The following TRPV1 variants were observed in gnomAD, a reference collection of about 807,000 sequenced individuals.
The protein encoded by TRPV1 is OTRPC1.
Under a neutral mutation model 82.3 loss-of-function variants are expected in TRPV1, and 82 were observed. The observed-to-expected ratio is 1.00, with a 90% CI of 0.83 to 1.20. TRPV1 has a LOEUF of 1.20. TRPV1 is among the 50% of genes most tolerant of loss of function. The pLI, the probability that TRPV1 is intolerant of heterozygous loss-of-function variation, is 0.00. For missense variants in TRPV1, 1,067 were observed against 1,096.8 expected (o/e 0.97, Z 0.38); for synonymous variants, 515 against 467.7 (o/e 1.10, Z -1.30).
Position 3,592,358 on chromosome 17 carries a change from G to C in TRPV1, c.-8C>G. ...GCTGCTCCATTTCTTCATCCTTGCT[G>C]GATCCTCTGTGGCCCAGTGTGCAAC... is the stretch of plus-strand genomic sequence containing the variant. On this transcript the variant is annotated 5_prime_UTR_variant, in exon 3 of 17. Transcript: ENST00000572705. 6.3e-7 allele frequency: 1 copy of C among 1,583,514 alleles called. No homozygotes were observed. The highest frequency in any genetic ancestry group is 8.6e-7 in the Non-Finnish European group (1 of 1,164,844).
rs2074893417 is a variant in TRPV1 at position 3,573,856 on chromosome 17, G to A, written c.1880C>T (p.Ser627Phe). The change falls in exon 14 of 17, where the codon TCC (serine) becomes TTC (phenylalanine). Residue 627 changes from serine (S) to phenylalanine (F), a missense_variant. Physicochemically the swap from Ser to Phe is radical, Grantham distance 155. Coordinates refer to ENST00000572705, the MANE Select transcript of TRPV1 (RefSeq NM_080704.4). ...GCAGGTGGAGTACAGGCTGTTGTAG[G>A]AGCTATCGGGGGGCCTGCAGGCAGG... The part of the protein sequence containing the change: ...RGPACRPPDS[S>F]YNSLYSTCLE... 2 of 1,613,458 alleles carry A rather than the reference G, an allele frequency of 1.2e-6. No individual in the cohort carries two copies. Among genetic ancestry groups the A allele is most frequent in the South Asian group, 2.2e-5 (2 of 91,054 alleles).
In TRPV1 at chr17:3,571,570, A is replaced by C. The variant is rs1422119993; in HGVS notation, c.2301T>G (p.Cys767Trp). 1.9e-6 allele frequency: 3 copies of C among 1,612,342 alleles called. No individual in the cohort carries two copies. The highest frequency in any genetic ancestry group is 3.3e-5 in the Admixed American group (2 of 59,826). ...VGIINEDPGN[C>W]EGVKRTLSFS... Reference sequence around the variant, plus strand: ...AGCTCAGGGTGCGCTTGACGCCCTCACAGTTGCCCGGGTCTTCGTTGATGA... The same window carrying C: ...AGCTCAGGGTGCGCTTGACGCCCTCCCAGTTGCCCGGGTCTTCGTTGATGA... Residue 767 changes from cysteine (C) to tryptophan (W), a missense_variant, in exon 16 of 17, where the codon TGT becomes TGG. Coordinates refer to ENST00000572705, the MANE Select transcript of TRPV1 (RefSeq NM_080704.4).
rs756092486 is a variant in TRPV1, at chr17:3,577,640, G to A, written c.1671C>T (p.Arg557=). 3.0e-5 allele frequency: 47 copies of A among 1,584,658 alleles called. No homozygotes were observed. In the Admixed American group the frequency reaches 4.5e-4, roughly 15 times the overall value. The change falls in exon 12 of 17, where the codon CGC becomes CGT. Residue 557 remains arginine, a synonymous_variant. Coordinates refer to ENST00000572705, the MANE Select transcript of TRPV1 (RefSeq NM_080704.4). The part of the protein sequence containing the change: ...LGWTNMLYYT[R]GFQQMGIYAV... ...CATAGATGCCCATCTGCTGGAAACCGCGGGTGTAGTAGAGCATGTTGGTCC... is the reference window on the plus strand; with the variant it reads ...CATAGATGCCCATCTGCTGGAAACCACGGGTGTAGTAGAGCATGTTGGTCC...
chr17:3,573,529 A>ACCCCCCCCCCCCCCCCCCCCC lies in TRPV1; in HGVS notation c.2103+103_2103+104insGGGGGGGGGGGGGGGGGGGGG. On this transcript the variant is annotated intron_variant, in intron 14 of 16. Coordinates refer to ENST00000572705, the MANE Select transcript of TRPV1 (RefSeq NM_080704.4). ...GAGGCCCATACCCTCCTGGCCACAC[A>ACCCCCCCCCCCCCCCCCCCCC]CCGCCCCCACCACCCACCCACCTGC... 2.9e-4 allele frequency: 6 copies of ACCCCCCCCCCCCCCCCCCCCC among 20,994 alleles called. 1 individual carries two copies. The highest frequency in any genetic ancestry group is 1.8e-3 in the East Asian group (1 of 564). The allele number at this position is 20,994 out of a possible 1,614,324, so 1.3% of individuals were successfully genotyped here.
At chr17:3,589,207 T>C (rs1406871312) in intron 7 of TRPV1, among the ~76,000 whole-genome samples, 9 of 75,390 alleles carry the variant, frequency 1.2e-4, no homozygotes, top group Non-Finnish European at 2.2e-4. Flanking sequence ...TTTTTCTTTT[T>C]CCTTTTTTTT....
intron 16 of TRPV1, among the ~76,000 whole-genome samples, chr17:3,568,661 G>A (rs1374923020): frequency 6.6e-6 from 1 of 152,106 alleles, no homozygotes; most frequent in African/African-American, 2.4e-5. Context: ...GGCAGCAAAC[G>A]TTTTTCAGAG....
intron 11 of TRPV1, chr17:3,578,592 G>C (rs12600675): frequency 6.6e-6 from 1 of 152,194 alleles, no homozygotes; most frequent in Non-Finnish European, 1.5e-5. Context: ...GCTTCTCTTA[G>C]GCAGGTAAAT....
intron 11 of TRPV1, among the ~76,000 whole-genome samples, chr17:3,579,359 C>T (rs117331375): frequency 0.011 from 1,604 of 152,172 alleles, 17 homozygotes; most frequent in Non-Finnish European, 0.018. Flanking sequence ...GAGATCAGGA[C>T]GGGGACTGTG....
intron 16 of TRPV1, among the ~76,000 whole-genome samples, chr17:3,569,517 G>C (rs1175669449): frequency 6.6e-6 from 1 of 152,212 alleles, no homozygotes; most frequent in Non-Finnish European, 1.5e-5. Flanking sequence ...TTTCTGCCTA[G>C]GGACATTTCC....
chr17:3,583,068 T>C (rs2075041605), intron 10 of TRPV1, among the ~76,000 whole-genome samples: 1 of 152,182 alleles, frequency 6.6e-6, no homozygotes, highest in Middle Eastern at 3.2e-3. Flanking sequence ...GCCTCCACTC[T>C]GCCCCTGTAA....
Position 3,589,822 on chromosome 17 carries a change from C to A in TRPV1, c.1029G>T (p.Gly343=). ...KGMTPLALAA[G]TGKIGVLAYI... is the part of the protein sequence containing the mutation. Reference sequence around the variant, plus strand: ...CCCCTCTTACCCCGATCTTCCCGGTCCCAGCTGCCAGAGCCAGCGGCGTCA... The same window carrying A: ...CCCCTCTTACCCCGATCTTCCCGGTACCAGCTGCCAGAGCCAGCGGCGTCA... The change falls in exon 7 of 17, where the codon GGG becomes GGT. Residue 343 remains glycine (G), a synonymous_variant. Coordinates refer to ENST00000572705, the MANE Select transcript of TRPV1 (RefSeq NM_080704.4). The A allele has an allele frequency of 6.2e-7, 1 of 1,612,800 alleles. No homozygotes were observed. Among genetic ancestry groups the A allele is most frequent in the Non-Finnish European group, 8.5e-7 (1 of 1,179,120 alleles).
chr17:3,584,524 C>CGGT (rs1386883167), intron 9 of TRPV1, among the ~76,000 whole-genome samples: 1 of 151,732 alleles, frequency 6.6e-6, no homozygotes, highest in East Asian at 1.9e-4. Context: ...CAGCCGGGCA[C>CGGT]GGTGGCTCAC....
chr17:3,591,305 C>T lies in TRPV1; in HGVS notation c.333G>A (p.Arg111=). The change falls in exon 4 of 17, where the codon AGG becomes AGA. Residue 111 remains arginine (R), a synonymous_variant. Coordinates refer to ENST00000572705, the MANE Select transcript of TRPV1 (RefSeq NM_080704.4). ...SVAASTEKTL[R]LYDRRSIFEA... ...CAAAGATACTCCTGCGATCATAGAG[C>T]CTGAGGGTCTTCTCGGTGCTGGCGG... 2 of 1,607,060 alleles carry T rather than the reference C, an allele frequency of 1.2e-6. No homozygotes were observed. Among genetic ancestry groups the T allele is most frequent in the African/African-American group, 1.3e-5 (1 of 74,378 alleles).
At chr17:3,588,751 T>G (rs1285719279) in intron 7 of TRPV1, among the ~76,000 whole-genome samples, 1 of 149,106 alleles carries the variant, frequency 6.7e-6, no homozygotes, top group East Asian at 2.0e-4. Flanking sequence ...TAGGCAGAGG[T>G]TGCAGTGAGC....
chr17:3,576,994 T>G (rs2074941067), intron 13 of TRPV1, 132 bp downstream of exon 13: 1 of 871,314 alleles, frequency 1.1e-6, no homozygotes, highest in South Asian at 1.7e-5. Context: ...GTGTCCTCTG[T>G]CCACCCTCTC....
chr17:3,591,146 G>T, intron 4 of TRPV1, 30 bp from the exon 5 acceptor site: 1 of 1,609,934 alleles, frequency 6.2e-7, no homozygotes, highest in Non-Finnish European at 8.5e-7. Context: ...GTCAGGGCAG[G>T]CCAGGGCTGG....
In TRPV1 at chr17:3,591,123, G is replaced by C; in HGVS notation, c.452-7C>G. Reference sequence around the variant, plus strand: ...GTCTTCCCTGTCTCAGGGTCTGAAAGACATAAGGGAGGGTCAGGGCAGGCC... The same window carrying C: ...GTCTTCCCTGTCTCAGGGTCTGAAACACATAAGGGAGGGTCAGGGCAGGCC... On this transcript the variant is annotated splice_region_variant and splice_polypyrimidine_tract_variant and intron_variant, in intron 4 of 16. Transcript: ENST00000572705. 1 of 1,611,704 alleles carries C rather than the reference G, an allele frequency of 6.2e-7. No homozygotes were observed. The highest frequency in any genetic ancestry group is 8.5e-7 in the Non-Finnish European group (1 of 1,179,000).
intron 13 of TRPV1, among the ~76,000 whole-genome samples, chr17:3,576,668 A>AAAAAAAAAAAAAAAAAAAAAAATATAT: frequency 2.6e-5 from 1 of 38,424 alleles, no homozygotes; most frequent in African/African-American, 7.3e-5. Flanking sequence ...AAAAAAAAAA[A>AAAAAAAAAAAAAAAAAAAAAAATATAT]ATATATATAT....
chr17:3,566,762 G>C lies in TRPV1; in HGVS notation c.*53C>G, dbSNP rs2074768564. On this transcript the variant is annotated 3_prime_UTR_variant, in exon 17 of 17. Transcript: ENST00000572705. ...TGGTGTTCCCTCAGCAGCCCCCCGT[G>C]GCAACGGGGTCTCCTAAGGCCCAGT... 1 of 1,582,046 alleles carries C rather than the reference G, an allele frequency of 6.3e-7. No individual in the cohort carries two copies. The highest frequency in any genetic ancestry group is 2.2e-5 in the East Asian group (1 of 44,528).
Sources: allele counts gnomAD v4.1 joint callset (sites outside exome capture counted in the v4.1 genomes callset), GRCh38; gene constraint gnomAD v4.1.1; transcripts MANE v1.5; gene names NCBI Gene and HGNC (gene_info 2026-07-23, HGNC 2026-07-21).